ARHGAP26: variants seen among roughly 807,000 people sequenced by gnomAD.
ARHGAP26 encodes the protein rho GTPase-activating protein 26.
A neutral mutation model predicts 104.8 loss-of-function variants in ARHGAP26; 38 were observed. The observed-to-expected ratio is 0.36, with a 90% confidence interval of 0.28 to 0.48. The LOEUF (loss-of-function observed/expected upper bound fraction) is 0.48. Ranked by LOEUF, ARHGAP26 falls within the 20% of genes least tolerant of loss-of-function variation. ARHGAP26 has a pLI of 0.99. For missense variants in ARHGAP26, 704 were observed against 947.9 expected, an observed-to-expected ratio of 0.74 and a Z score of 3.38; for synonymous variants, 341 against 340.0, an observed-to-expected ratio of 1.00 and a Z score of -0.03.
At chr5:142,974,835 C>T (rs1234886984) in intron 11 of ARHGAP26, among the ~76,000 whole-genome samples, 1 of 152,226 alleles carries the variant, frequency 6.6e-6, no homozygotes, top group Admixed American at 6.5e-5. Flanking sequence ...CTTTCGCCCT[C>T]TGTCCCTCAG....
intron 20 of ARHGAP26, among the ~76,000 whole-genome samples, chr5:143,187,014 T>C (rs1456254961): frequency 6.6e-6 from 1 of 152,258 alleles, no homozygotes; most frequent in Non-Finnish European, 1.5e-5. Context: ...GCCAAGCATA[T>C]TCTAATTATA....
intron 1 of ARHGAP26, among the ~76,000 whole-genome samples, chr5:142,803,926 C>G (rs1205037097): frequency 1.3e-5 from 2 of 152,200 alleles, no homozygotes; most frequent in Non-Finnish European, 2.9e-5. Flanking sequence ...GGTATTTACA[C>G]AACACTTCCT....
intron 20 of ARHGAP26, among the ~76,000 whole-genome samples, chr5:143,154,959 C>A (rs752589642): frequency 6.6e-6 from 1 of 152,000 alleles, no homozygotes; most frequent in Non-Finnish European, 1.5e-5. Flanking sequence ...TATTTGTCAT[C>A]CTTTGGAATG....
At chr5:143,022,158 G>A (rs1780429667) in intron 12 of ARHGAP26, among the ~76,000 whole-genome samples, 1 of 152,042 alleles carries the variant, frequency 6.6e-6, no homozygotes, top group Non-Finnish European at 1.5e-5. Context: ...TGCAACCTCC[G>A]CCTCCTGGGC....
intron 11 of ARHGAP26, among the ~76,000 whole-genome samples, chr5:142,949,880 T>G (rs1056171813): frequency 3.3e-5 from 5 of 152,232 alleles, no homozygotes; most frequent in African/African-American, 1.2e-4. Context: ...TAGCATTTAT[T>G]AATTTGTCAA....
intron 11 of ARHGAP26, among the ~76,000 whole-genome samples, chr5:142,987,725 A>G (rs1424671577): frequency 1.3e-5 from 2 of 152,142 alleles, no homozygotes; most frequent in African/African-American, 4.8e-5. Flanking sequence ...AATTTTGTCA[A>G]AGGCCTTTTC....
chr5:142,888,606 G>A (rs992751894), intron 5 of ARHGAP26, among the ~76,000 whole-genome samples: 8 of 152,112 alleles, frequency 5.3e-5, no homozygotes, highest in Non-Finnish European at 1.0e-4. Flanking sequence ...GGTTCTGCAC[G>A]GAATGCTTTT....
rs751864474 is a variant in ARHGAP26, at chr5:142,907,824, T to A, written c.933+20T>A. The A allele has an allele frequency of 3.2e-6, 5 of 1,559,314 alleles. No homozygotes were observed. The highest frequency in any genetic ancestry group is 3.5e-6 in the Non-Finnish European group (4 of 1,133,826). ...AAAGGGGTGAGTTCATTTTTAAAATTTGATGTTTGATTTGCTTGGCTAACA... is the reference window on the plus strand; with the variant it reads ...AAAGGGGTGAGTTCATTTTTAAAATATGATGTTTGATTTGCTTGGCTAACA... On this transcript the variant is annotated intron_variant, in intron 9 of 22. Transcript: ENST00000645722.
chr5:143,114,175 C>A (rs1795129627), intron 17 of ARHGAP26, among the ~76,000 whole-genome samples: 1 of 152,118 alleles, frequency 6.6e-6, no homozygotes, highest in Non-Finnish European at 1.5e-5. Flanking sequence ...ATAACCATTC[C>A]CAGGAAGATG....
intron 5 of ARHGAP26, among the ~76,000 whole-genome samples, chr5:142,887,555 G>T (rs576892197): frequency 6.6e-6 from 1 of 152,092 alleles, no homozygotes; most frequent in Non-Finnish European, 1.5e-5. Flanking sequence ...TATTTCAGTG[G>T]ATGTTTTCCA....
chr5:142,955,883 G>A (rs568665242), intron 11 of ARHGAP26, among the ~76,000 whole-genome samples: 29 of 152,208 alleles, frequency 1.9e-4, no homozygotes, highest in Admixed American at 1.9e-3. Context: ...TCCTTGTGAA[G>A]CTTTATGCTT....
At chr5:142,792,159 G>C (rs151151808) in intron 1 of ARHGAP26, among the ~76,000 whole-genome samples, 1 of 152,106 alleles carries the variant, frequency 6.6e-6, no homozygotes, top group East Asian at 1.9e-4. Context: ...CACATCTCTT[G>C]TTCTTCCAGT....
intron 11 of ARHGAP26, among the ~76,000 whole-genome samples, chr5:142,978,047 T>G (rs1051038287): frequency 1.3e-5 from 2 of 152,242 alleles, no homozygotes; most frequent in African/African-American, 4.8e-5. Context: ...ATCCGACATC[T>G]TGAAAATATT....
intron 17 of ARHGAP26, among the ~76,000 whole-genome samples, chr5:143,069,771 T>C (rs1787986767): frequency 6.6e-6 from 1 of 152,234 alleles, no homozygotes; most frequent in South Asian, 2.1e-4. Context: ...ATTTTAACTC[T>C]GTGATGGATC....
At chr5:143,063,875 A>G (rs905462011) in intron 17 of ARHGAP26, among the ~76,000 whole-genome samples, 12 of 152,156 alleles carry the variant, frequency 7.9e-5, no homozygotes, top group African/African-American at 2.7e-4. Context: ...CATGTATCAC[A>G]TTCCACCTGG....
At chr5:143,010,894 A>G (rs781739505) in intron 11 of ARHGAP26, 3 of 152,240 alleles carry the variant, frequency 2.0e-5, no homozygotes, top group Non-Finnish European at 4.4e-5. Flanking sequence ...GGAGAAATGC[A>G]GGGATCAAGG....
chr5:143,065,183 T>G (rs1227970033), intron 17 of ARHGAP26, among the ~76,000 whole-genome samples: 2 of 152,174 alleles, frequency 1.3e-5, no homozygotes, highest in Non-Finnish European at 2.9e-5. Context: ...AGTTTCTTCC[T>G]TGCTAATCCT....
At chr5:143,106,466 CTTTTTTTTTTT>C (rs70991793) in intron 17 of ARHGAP26, among the ~76,000 whole-genome samples, 217 of 77,318 alleles carry the variant, frequency 2.8e-3, no homozygotes, top group African/African-American at 0.011. Flanking sequence ...ATGCATTGGG[CTTTTTTTTTTT>C]TTTTTTTTTT....
chr5:143,147,020 A>G (rs1357200947), intron 19 of ARHGAP26, among the ~76,000 whole-genome samples: 2 of 152,184 alleles, frequency 1.3e-5, no homozygotes, highest in East Asian at 3.8e-4. Flanking sequence ...TGACGAGGAA[A>G]GGGGTTTGCT....
Sources: allele counts gnomAD v4.1 joint callset (sites outside exome capture counted in the v4.1 genomes callset), GRCh38; gene constraint gnomAD v4.1.1; transcripts MANE v1.5; gene names NCBI Gene and HGNC (gene_info 2026-07-23, HGNC 2026-07-21).